The following AGAP1 variants were observed in gnomAD, a reference collection of about 807,000 sequenced individuals.
The protein encoded by AGAP1 is arf-GAP with GTPase, ANK repeat and PH domain-containing protein 1.
Under a neutral mutation model 105.3 loss-of-function variants are expected in AGAP1, and 29 were observed. The ratio of observed to expected loss-of-function variants is 0.28; its 90% CI spans 0.21 to 0.38. AGAP1 has a LOEUF of 0.38. Among genes scored for constraint, AGAP1 ranks in the 10% least tolerant of loss-of-function variants. AGAP1 has a pLI of 1.00. For synonymous variants in AGAP1, 509 were observed against 485.9 expected (o/e 1.05, Z -0.63); for missense variants, 998 against 1,165.1 (o/e 0.86, Z 2.09).
At chr2:235,770,227 A>G (rs1423492114) in intron 6 of AGAP1, among the ~76,000 whole-genome samples, 2 of 151,132 alleles carry the variant, frequency 1.3e-5, no homozygotes, top group Non-Finnish European at 2.9e-5. Context: ...CCCCGGGTTC[A>G]TGCCATGCCA....
At position 236,045,375 on chromosome 2, in the gene AGAP1, C is replaced by T. The variant is rs2057686467; in HGVS notation, c.1892-3684C>T. ...GTGAAGGAACAGATGTAATTACAGC[C>T]AACACCTAACACTGTACTTCCCGTG... is the stretch of plus-strand genomic sequence containing the variant. On this transcript the variant is annotated intron_variant, in intron 15 of 17. Coordinates refer to ENST00000304032, the MANE Select transcript of AGAP1 (RefSeq NM_001037131.3). The surrounding 1 kb of genome is among the most constrained non-coding windows in gnomAD (Gnocchi z 6.9). Among the ~76,000 whole-genome samples, 1 of 152,214 alleles carries T rather than the reference C, an allele frequency of 6.6e-6. No individual in the cohort carries two copies. The highest frequency in any genetic ancestry group is 2.1e-4 in the South Asian group (1 of 4,832).
At chr2:235,834,779 T>C (rs888026747) in intron 9 of AGAP1, among the ~76,000 whole-genome samples, 6 of 152,046 alleles carry the variant, frequency 3.9e-5, no homozygotes. Flanking sequence ...GAAAGGTGGA[T>C]GTGGAAAGTG....
intron 9 of AGAP1, among the ~76,000 whole-genome samples, chr2:235,815,219 G>A (rs1041866455): frequency 3.3e-5 from 5 of 152,168 alleles, no homozygotes; most frequent in Admixed American, 6.5e-5. Context: ...CCTGCAGCCT[G>A]GGCGGCTTAA....
chr2:235,654,231 C>T (rs1947702455), intron 1 of AGAP1, among the ~76,000 whole-genome samples: 1 of 152,186 alleles, frequency 6.6e-6, no homozygotes, highest in Admixed American at 6.5e-5. Context: ...TTATATATAA[C>T]TGTGTGCTTA....
Position 235,612,443 on chromosome 2 carries a change from G to A in AGAP1, c.164-96736G>A, listed in dbSNP as rs1946159103. Among the ~76,000 whole-genome samples the A allele has an allele frequency of 6.6e-6, 1 of 152,150 alleles. No homozygotes were observed. Among genetic ancestry groups the A allele is most frequent in the Admixed American group, 6.5e-5 (1 of 15,276 alleles). On this transcript the variant is annotated intron_variant, in intron 1 of 17. Transcript: ENST00000304032. The surrounding 1 kb of genome is among the most constrained non-coding windows in gnomAD (Gnocchi z 4.3). ...TTGGCCCTGGTAATGAGATCTCAGG[G>A]GCAGCGCCTAGAGTGCTGGGCCCTT...
At chr2:235,528,194 A>G (rs2149067595) in intron 1 of AGAP1, among the ~76,000 whole-genome samples, 1 of 151,954 alleles carries the variant, frequency 6.6e-6, no homozygotes, top group Non-Finnish European at 1.5e-5. Context: ...AGGAGAATAG[A>G]CCTCCTTCCC....
At position 235,747,341 on chromosome 2, in the gene AGAP1, G is replaced by A. The variant is rs890115147; in HGVS notation, c.538+2502G>A. The stretch of plus-strand genomic sequence containing the variant: ...ATTCCCATGAATTCCATGAACATCC[G>A]TTGATCGGATGTGGAAAGATGCCCA... On this transcript the variant is annotated intron_variant, in intron 5 of 17. Transcript: ENST00000304032. The surrounding 1 kb of genome is among the most constrained non-coding windows in gnomAD (Gnocchi z 5.0). Among the ~76,000 whole-genome samples, 5 of 152,292 alleles carry A rather than the reference G, an allele frequency of 3.3e-5. No homozygotes were observed. The South Asian group carries it at 6.2e-4, about 19-fold the overall frequency.
rs137996662 is a variant in AGAP1, at chr2:235,789,209, A to G, written c.674-8550A>G. Among the ~76,000 whole-genome samples the G allele has an allele frequency of 5.8e-3, 879 of 152,266 alleles. 9 individuals carry two copies. Among genetic ancestry groups the G allele is most frequent in the African/African-American group, 0.02 (825 of 41,544 alleles). ...CACAGGGTTTTTGTTTTTGTTTTTA[A>G]TTATGTTCTTTCCCCTTTTCTCTGA... On this transcript the variant is annotated intron_variant, in intron 6 of 17. Transcript: ENST00000304032. This position sits in a 1 kb window ranked among gnomAD's most constrained non-coding sequence, Gnocchi z 4.2.
In AGAP1 at chr2:235,494,508, C is replaced by A. The variant is rs1297282964; in HGVS notation, c.-179C>A. On this transcript the variant is annotated 5_prime_UTR_variant, in exon 1 of 18. Transcript: ENST00000304032. The stretch of plus-strand genomic sequence containing the variant: ...CCGCGCGTCCCGGCCATGAACTGAG[C>A]CCGCGGGCCAGCCCCGCGCCTGCTC... 1 of 144,108 alleles carries A rather than the reference C, an allele frequency of 6.9e-6. No homozygotes were observed. Among genetic ancestry groups the A allele is most frequent in the Non-Finnish European group, 1.5e-5 (1 of 65,652 alleles). The allele number at this position is 144,108 out of a possible 1,614,324, so 8.9% of individuals were successfully genotyped here.
At chr2:236,029,281 TC>T (rs1231381663) in intron 13 of AGAP1, among the ~76,000 whole-genome samples, 8 of 145,840 alleles carry the variant, frequency 5.5e-5, no homozygotes, top group African/African-American at 2.1e-4. Flanking sequence ...CATCCTTTTT[TC>T]TTTTTTTTTT....
rs1430656954 is a variant in AGAP1 at position 236,014,537 on chromosome 2, C to G, written c.1646-22024C>G. The stretch of plus-strand genomic sequence containing the variant: ...GTGAAACCCAGCAGGGCGAAGCAGA[C>G]TTCTGCGCGTGGGTAGTTCTTTGAC... On this transcript the variant is annotated intron_variant, in intron 13 of 17. Transcript: ENST00000304032. The surrounding 1 kb of genome is among the most constrained non-coding windows in gnomAD (Gnocchi z 6.3). Among the ~76,000 whole-genome samples the G allele has an allele frequency of 6.6e-6, 1 of 152,120 alleles. No individual in the cohort carries two copies. The highest frequency in any genetic ancestry group is 1.9e-4 in the East Asian group (1 of 5,164).
rs1386129613 is a variant in AGAP1 at position 235,552,383 on chromosome 2, C to G, written c.163+57534C>G. Among the ~76,000 whole-genome samples, 1 of 152,166 alleles carries G rather than the reference C, an allele frequency of 6.6e-6. No individual in the cohort carries two copies. The highest frequency in any genetic ancestry group is 1.5e-5 in the Non-Finnish European group (1 of 68,038). ...TGTCGTTATAATGCAAGTGGGATTT[C>G]ATTATGTGTTTAAGGCTTGGCATTG... On this transcript the variant is annotated intron_variant, in intron 1 of 17. Transcript: ENST00000304032. The surrounding 1 kb of genome is among the most constrained non-coding windows in gnomAD (Gnocchi z 5.9).
chr2:235,528,083 G>A (rs981385899), intron 1 of AGAP1, among the ~76,000 whole-genome samples: 2 of 152,112 alleles, frequency 1.3e-5, no homozygotes, highest in African/African-American at 4.8e-5. Flanking sequence ...TTGTGATGTT[G>A]TCCTGGATCT....
chr2:236,099,970 GCA>G (rs1341173622), intron 16 of AGAP1, among the ~76,000 whole-genome samples: 1 of 152,094 alleles, frequency 6.6e-6, no homozygotes, highest in Non-Finnish European at 1.5e-5. Context: ...AACCCGGGAG[GCA>G]GAGGTTCCAG....
rs2149296225 is a variant in AGAP1, at chr2:235,635,910, C to A, written c.164-73269C>A. ...CAGGTGGATCTTGAGGTCAGGAGTT[C>A]AACACCAGCCTGGCCAACATGGTGA... On this transcript the variant is annotated intron_variant, in intron 1 of 17. Transcript: ENST00000304032. This position sits in a 1 kb window ranked among gnomAD's most constrained non-coding sequence, Gnocchi z 5.3. Among the ~76,000 whole-genome samples the A allele has an allele frequency of 6.6e-6, 1 of 151,994 alleles. No individual in the cohort carries two copies. Among genetic ancestry groups the A allele is most frequent in the African/African-American group, 2.4e-5 (1 of 41,466 alleles).
In AGAP1 at chr2:236,124,021, G is replaced by C. The variant is rs753031241; in HGVS notation, c.2473G>C (p.Gly825Arg). Residue 825 changes from glycine to arginine, a missense_variant, in exon 18 of 18, where the codon GGC becomes CGC. This residue lies in a region of AGAP1 where 235 missense variants were observed against 270.7 expected (regional missense o/e 0.87). Transcript: ENST00000304032. This position sits in a 1 kb window ranked among gnomAD's most constrained non-coding sequence, Gnocchi z 5.1. ...QECIDVLLQY[G>R]CPDERFVLMA... is the part of the protein sequence containing the mutation. ...GTGCATCGACGTGCTGCTGCAGTAC[G>C]GCTGCCCCGACGAGCGCTTCGTGCT... 7.4e-6 allele frequency: 12 copies of C among 1,613,890 alleles called. No individual in the cohort carries two copies. In the South Asian group the frequency reaches 1.3e-4, roughly 18 times the overall value.
In AGAP1 at chr2:235,753,230, G is replaced by C; in HGVS notation, c.673+2742G>C. Among the ~76,000 whole-genome samples the C allele has an allele frequency of 6.6e-6, 1 of 152,210 alleles. No homozygotes were observed. Among genetic ancestry groups the C allele is most frequent in the East Asian group, 1.9e-4 (1 of 5,198 alleles). ...GTTTTCTTCAGGTTGGGGGTGGCAAGAGGAGAATAAGGACTGATATTTCTA... is the reference window on the plus strand; with the variant it reads ...GTTTTCTTCAGGTTGGGGGTGGCAACAGGAGAATAAGGACTGATATTTCTA... On this transcript the variant is annotated intron_variant, in intron 6 of 17. Coordinates refer to ENST00000304032, the MANE Select transcript of AGAP1 (RefSeq NM_001037131.3). This position sits in a 1 kb window ranked among gnomAD's most constrained non-coding sequence, Gnocchi z 4.5.
Position 235,714,861 on chromosome 2 carries a change from T to TG in AGAP1, c.223-2696_223-2695insG, listed in dbSNP as rs1162163655. 1.3e-5 allele frequency among the ~76,000 whole-genome samples: 2 copies of TG among 152,128 alleles called. No homozygotes were observed. Among genetic ancestry groups the TG allele is most frequent in the East Asian group, 3.9e-4 (2 of 5,174 alleles). On this transcript the variant is annotated intron_variant, in intron 2 of 17. Coordinates refer to ENST00000304032, the MANE Select transcript of AGAP1 (RefSeq NM_001037131.3). This position sits in a 1 kb window ranked among gnomAD's most constrained non-coding sequence, Gnocchi z 4.1. Reference sequence around the variant, plus strand: ...TCACCCAGGCTGGAGTCCAGTGGTGTATCTCGGCTCACTGCAACCTCCGCC... The same window carrying TG: ...TCACCCAGGCTGGAGTCCAGTGGTGTGATCTCGGCTCACTGCAACCTCCGCC...
In AGAP1 at chr2:235,623,715, T is replaced by G. The variant is rs1243583606; in HGVS notation, c.164-85464T>G. On this transcript the variant is annotated intron_variant, in intron 1 of 17. Transcript: ENST00000304032. This position sits in a 1 kb window ranked among gnomAD's most constrained non-coding sequence, Gnocchi z 4.5. ...TCCTCCCCTCATTTTGGACATTTTC[T>G]CAGAATGAATGATACATCTCTGCTT... is the stretch of plus-strand genomic sequence containing the variant. 6.6e-6 allele frequency among the ~76,000 whole-genome samples: 1 copy of G among 152,210 alleles called. No homozygotes were observed. Among genetic ancestry groups the G allele is most frequent in the Non-Finnish European group, 1.5e-5 (1 of 68,038 alleles).
Sources: allele counts gnomAD v4.1 joint callset (sites outside exome capture counted in the v4.1 genomes callset), GRCh38; gene constraint gnomAD v4.1.1; regional missense constraint gnomAD v4.1.1; non-coding constraint Gnocchi (gnomAD v3.1); transcripts MANE v1.5; gene names NCBI Gene and HGNC (gene_info 2026-07-23, HGNC 2026-07-21).